Variants in OSBPL6 observed in about 807,000 individuals in gnomAD.
OSBPL6 encodes the protein oxysterol-binding protein-related protein 6.
Under a neutral mutation model 125.8 loss-of-function variants are expected in OSBPL6, and 49 were observed. The ratio of observed to expected loss-of-function variants is 0.39; its 90% CI spans 0.31 to 0.49. The LOEUF is 0.49. Ranked by LOEUF, OSBPL6 falls within the 20% of genes least tolerant of loss-of-function variation. The pLI, the probability that OSBPL6 is intolerant of heterozygous loss-of-function variation, is 0.88. For synonymous variants in OSBPL6, 394 were observed against 391.8 expected (o/e 1.01, Z -0.07); for missense variants, 986 against 1,135.4 (o/e 0.87, Z 1.89).
Position 178,395,944 on chromosome 2 carries a change from C to A in OSBPL6, c.*385C>A. The A allele has an allele frequency of 2.7e-6, 1 of 375,334 alleles. No homozygotes were observed. 23.3% of individuals were successfully genotyped at this position (375,334 alleles called of 1,614,324 possible). ...ACAACATAGAAACCACACGATTGTT[C>A]CACTGTCTGGAAGCACCATCCCCTA... is the stretch of plus-strand genomic sequence containing the variant. On this transcript the variant is annotated 3_prime_UTR_variant, in exon 25 of 25. Coordinates refer to ENST00000190611, the MANE Select transcript of OSBPL6 (RefSeq NM_032523.4).
intron 5 of OSBPL6, among the ~76,000 whole-genome samples, chr2:178,329,715 A>G (rs79691801): frequency 0.26 from 39,645 of 151,946 alleles, 5,463 homozygotes; most frequent in Admixed American, 0.39. Flanking sequence ...GTGAGCCACC[A>G]CGTCAGTTTA....
At chr2:178,280,849 T>G (rs1684090735) in intron 1 of OSBPL6, among the ~76,000 whole-genome samples, 1 of 152,152 alleles carries the variant, frequency 6.6e-6, no homozygotes, top group South Asian at 2.1e-4. Flanking sequence ...CCTTGTAGAC[T>G]CTGGTTATTA....
At chr2:178,229,156 A>G (rs1015538628) in intron 1 of OSBPL6, among the ~76,000 whole-genome samples, 5 of 152,096 alleles carry the variant, frequency 3.3e-5, no homozygotes, top group Non-Finnish European at 5.9e-5. Context: ...GTGTTAACTA[A>G]CCCAGTCTCT....
chr2:178,361,909 AG>A, intron 13 of OSBPL6, 94 bp downstream of exon 13: 2 of 1,480,474 alleles, frequency 1.4e-6, no homozygotes, highest in South Asian at 2.5e-5. Context: ...GGAGGTGGCT[AG>A]TCATGGGGAT....
intron 2 of OSBPL6, among the ~76,000 whole-genome samples, chr2:178,290,630 A>C (rs1185100315): frequency 2.6e-5 from 4 of 151,996 alleles, no homozygotes; most frequent in African/African-American, 9.7e-5. Context: ...TGGTCCTATT[A>C]ATTTCTTTGA....
At chr2:178,322,978 C>T (rs1312011198) in intron 3 of OSBPL6, among the ~76,000 whole-genome samples, 1 of 150,240 alleles carries the variant, frequency 6.7e-6, no homozygotes, top group Non-Finnish European at 1.5e-5. Context: ...AGGGAAGTTT[C>T]GCTCTCATGT....
At position 178,391,087 on chromosome 2, in the gene OSBPL6, T is replaced by A; in HGVS notation, c.2316T>A (p.Asn772Lys). 1 of 1,613,484 alleles carries A rather than the reference T, an allele frequency of 6.2e-7. No individual in the cohort carries two copies. Among genetic ancestry groups the A allele is most frequent in the African/African-American group, 1.3e-5 (1 of 74,996 alleles). The change falls in exon 22 of 25, where the codon AAT becomes AAA. Residue 772 changes from asparagine (N) to lysine (K), a missense_variant. Transcript: ENST00000190611. ...KLTFVKVNYW[N>K]SNMNEVQGVV... ...GGTTTTTCCAGGTGAATTATTGGAA[T>A]TCTAACATGAATGAAGTCCAGGGGG...
intron 1 of OSBPL6, among the ~76,000 whole-genome samples, chr2:178,282,044 T>A (rs1354809166): frequency 6.6e-6 from 1 of 152,168 alleles, no homozygotes; most frequent in East Asian, 1.9e-4. Context: ...AGTTCACACA[T>A]AAAACTGTAA....
chr2:178,401,209 G>C lies in OSBPL6; in HGVS notation c.*5650G>C, dbSNP rs927767690. 2 of 152,190 alleles carry C rather than the reference G, an allele frequency of 1.3e-5. No homozygotes were observed. The highest frequency in any genetic ancestry group is 6.5e-5 in the Admixed American group (1 of 15,290). 9.4% of individuals were successfully genotyped at this position (152,190 alleles called of 1,614,324 possible). A position where few individuals can be genotyped will look rare whatever the true frequency, so the allele number is the denominator to read the frequency against. ...GTCGGTATCCAGAATGACTGCTCTT[G>C]AAATGATATTTTGATGATGATGATC... On this transcript the variant is annotated 3_prime_UTR_variant, in exon 25 of 25. Transcript: ENST00000190611.
chr2:178,208,134 A>T lies in OSBPL6; in HGVS notation c.-351+13460A>T, dbSNP rs1166538472. ...ACCCCATCTCTACTAAAAATACAAA[A>T]AATTAGCCAGCGTGGTGGCACGTGC... is the stretch of plus-strand genomic sequence containing the variant. On this transcript the variant is annotated intron_variant, in intron 1 of 24. Coordinates refer to ENST00000190611, the MANE Select transcript of OSBPL6 (RefSeq NM_032523.4). Among the ~76,000 whole-genome samples the T allele has an allele frequency of 2.6e-5, 4 of 152,062 alleles. No individual in the cohort carries two copies. The East Asian group carries it at 7.7e-4, about 29-fold the overall frequency.
At chr2:178,369,528 G>T (rs188129228) in intron 13 of OSBPL6, among the ~76,000 whole-genome samples, 77 of 152,256 alleles carry the variant, frequency 5.1e-4, no homozygotes, top group Non-Finnish European at 1.5e-5. Context: ...AAGTAACTTG[G>T]TGAAGACTAC....
intron 12 of OSBPL6, among the ~76,000 whole-genome samples, chr2:178,361,338 T>C (rs1692335046): frequency 6.6e-6 from 1 of 152,230 alleles, no homozygotes; most frequent in African/African-American, 2.4e-5. Context: ...TAATCAAATA[T>C]GGCAAGTAAA....
intron 6 of OSBPL6, 34 bp from the exon 7 acceptor site, chr2:178,332,607 C>T (rs866791235): frequency 6.9e-7 from 1 of 1,446,638 alleles, no homozygotes; most frequent in East Asian, 2.3e-5. Context: ...AATCATATAT[C>T]CTTTCAGCCT....
At chr2:178,262,132 G>A (rs993527610) in intron 1 of OSBPL6, among the ~76,000 whole-genome samples, 3 of 152,276 alleles carry the variant, frequency 2.0e-5, no homozygotes, top group Middle Eastern at 3.4e-3. Context: ...TTATAAGTAT[G>A]TATGTTACAA....
intron 11 of OSBPL6, among the ~76,000 whole-genome samples, chr2:178,342,919 G>A (rs762772325): frequency 3.3e-5 from 5 of 152,142 alleles, no homozygotes; most frequent in Non-Finnish European, 5.9e-5. Flanking sequence ...ACACTGAAGG[G>A]TGAGAATAAG....
intron 1 of OSBPL6, among the ~76,000 whole-genome samples, chr2:178,280,953 CTTTAG>C (rs1684101925): frequency 6.7e-6 from 1 of 149,476 alleles, no homozygotes; most frequent in African/African-American, 2.5e-5. Flanking sequence ...TGCAGAAACT[CTTTAG>C]TTTAATTAGA....
At chr2:178,362,623 T>C (rs1249158382) in intron 13 of OSBPL6, among the ~76,000 whole-genome samples, 4 of 152,214 alleles carry the variant, frequency 2.6e-5, no homozygotes, top group African/African-American at 9.6e-5. Context: ...AGCAAGCAAA[T>C]CCTGGGTAAG....
At chr2:178,377,942 C>T (rs781627972) in intron 15 of OSBPL6, among the ~76,000 whole-genome samples, 13 of 152,186 alleles carry the variant, frequency 8.5e-5, no homozygotes, top group Non-Finnish European at 4.4e-5. Context: ...AAGTCTCCTG[C>T]CTCAGCCTCC....
intron 11 of OSBPL6, among the ~76,000 whole-genome samples, chr2:178,344,535 C>T (rs1484157017): frequency 1.3e-5 from 2 of 152,170 alleles, no homozygotes; most frequent in Non-Finnish European, 2.9e-5. Context: ...GAGTCGAACA[C>T]GGGTATTCCT....
Sources: allele counts gnomAD v4.1 joint callset (sites outside exome capture counted in the v4.1 genomes callset), GRCh38; gene constraint gnomAD v4.1.1; transcripts MANE v1.5; gene names NCBI Gene and HGNC (gene_info 2026-07-23, HGNC 2026-07-21).